Variants in CAMTA1 observed in about 807,000 individuals in gnomAD.
CAMTA1 encodes the protein calmodulin-binding transcription activator 1.
CAMTA1 carries 27 observed loss-of-function variants against 170.9 expected under a neutral mutation model. The ratio of observed to expected loss-of-function variants is 0.16; its 90% confidence interval spans 0.12 to 0.22. The LOEUF is 0.22. Ranked by LOEUF, CAMTA1 falls within the 10% of genes least tolerant of loss-of-function variation. CAMTA1 has a pLI of 1.00. For synonymous variants in CAMTA1, 833 were observed against 891.5 expected, an observed-to-expected ratio of 0.93 and a Z score of 1.17; for missense variants, 1,619 against 2,217.2, an observed-to-expected ratio of 0.73 and a Z score of 5.42.
chr1:7,553,927 G>T (rs777759388), intron 6 of CAMTA1, among the ~76,000 whole-genome samples: 2 of 152,296 alleles, frequency 1.3e-5, no homozygotes, highest in Non-Finnish European at 1.5e-5. Context: ...CCCCTGCTCT[G>T]TCTCTGGGGA....
intron 6 of CAMTA1, among the ~76,000 whole-genome samples, chr1:7,573,228 C>T (rs1233296501): frequency 3.9e-5 from 6 of 152,158 alleles, no homozygotes; most frequent in Non-Finnish European, 7.3e-5. Context: ...GGGCCCTGCT[C>T]CCCAGAACCC....
intron 3 of CAMTA1, among the ~76,000 whole-genome samples, chr1:6,966,672 G>A (rs1411009688): frequency 6.9e-6 from 1 of 144,730 alleles, no homozygotes; most frequent in Non-Finnish European, 1.5e-5. Flanking sequence ...TGCAAGTGGT[G>A]TGATTTCGGC....
At chr1:6,885,049 A>G (rs908097693) in intron 3 of CAMTA1, among the ~76,000 whole-genome samples, 2 of 152,222 alleles carry the variant, frequency 1.3e-5, no homozygotes, top group African/African-American at 2.4e-5. Flanking sequence ...ATGGATACCA[A>G]GAAGTGGAAA....
At chr1:7,416,004 C>A (rs1244887511) in intron 5 of CAMTA1, among the ~76,000 whole-genome samples, 1 of 152,164 alleles carries the variant, frequency 6.6e-6, no homozygotes, top group African/African-American at 2.4e-5. Context: ...TACTTTATTT[C>A]TCCTTCACTT....
chr1:7,577,176 A>C (rs1022127729), intron 6 of CAMTA1, among the ~76,000 whole-genome samples: 33 of 152,280 alleles, frequency 2.2e-4, no homozygotes, highest in African/African-American at 5.5e-4. Context: ...TGGCTGTGAG[A>C]TCAGAGGCCT....
chr1:6,884,403 T>A (rs945087167), intron 3 of CAMTA1, among the ~76,000 whole-genome samples: 2 of 152,048 alleles, frequency 1.3e-5, no homozygotes, highest in Non-Finnish European at 2.9e-5. Context: ...ATATCAGGTA[T>A]TTTTTAGCCT....
At chr1:7,075,740 G>T (rs188435891) in intron 3 of CAMTA1, among the ~76,000 whole-genome samples, 1 of 148,736 alleles carries the variant, frequency 6.7e-6, no homozygotes, top group Admixed American at 6.8e-5. Flanking sequence ...TCTGCTTACT[G>T]AAACCTCCAC....
intron 4 of CAMTA1, among the ~76,000 whole-genome samples, chr1:7,151,149 C>A (rs796188102): frequency 2.0e-5 from 3 of 152,366 alleles, no homozygotes; most frequent in African/African-American, 7.2e-5. Context: ...CAAATGCTAA[C>A]AAGAAACATG....
chr1:7,084,426 C>T (rs1640445396), intron 3 of CAMTA1, among the ~76,000 whole-genome samples: 1 of 152,190 alleles, frequency 6.6e-6, no homozygotes, highest in Admixed American at 6.5e-5. Flanking sequence ...GCCTGCAGTG[C>T]ATAGCTCCTT....
chr1:7,586,828 G>GTGGCTGC (rs959213916), intron 6 of CAMTA1, among the ~76,000 whole-genome samples: 5 of 152,096 alleles, frequency 3.3e-5, no homozygotes, highest in African/African-American at 7.3e-5. Context: ...GGCTCCCACG[G>GTGGCTGC]TGGCTGCGGT....
At chr1:6,964,418 C>T (rs1221083900) in intron 3 of CAMTA1, among the ~76,000 whole-genome samples, 2 of 152,144 alleles carry the variant, frequency 1.3e-5, no homozygotes, top group African/African-American at 4.8e-5. Context: ...GTTCCATCTG[C>T]AGTGTCTCAG....
At chr1:7,731,571 C>CAAAAAAAA (rs536530455) in intron 11 of CAMTA1, among the ~76,000 whole-genome samples, 1 of 87,026 alleles carries the variant, frequency 1.1e-5, no homozygotes, top group Non-Finnish European at 2.4e-5. Flanking sequence ...CACTCTGTCT[C>CAAAAAAAA]AAAAAAAAAA....
intron 6 of CAMTA1, among the ~76,000 whole-genome samples, chr1:7,639,080 G>A (rs753783995): frequency 6.6e-6 from 1 of 152,202 alleles, no homozygotes; most frequent in East Asian, 1.9e-4. Context: ...CCAGATTCAC[G>A]CCATTCTCCT....
chr1:7,078,966 A>G (rs138453397), intron 3 of CAMTA1, among the ~76,000 whole-genome samples: 13 of 152,342 alleles, frequency 8.5e-5, no homozygotes, highest in East Asian at 7.7e-4. Flanking sequence ...AGAAACTTTT[A>G]TGGCTCTCCT....
chr1:7,614,540 G>A (rs112502107), intron 6 of CAMTA1, among the ~76,000 whole-genome samples: 347 of 152,168 alleles, frequency 2.3e-3, no homozygotes, highest in African/African-American at 8.1e-3. Flanking sequence ...GACAACAACC[G>A]CCCCATTGGC....
rs1001008896 is a variant in CAMTA1, at chr1:6,953,566, C to A, written c.234+128356C>A. Among the ~76,000 whole-genome samples the A allele has an allele frequency of 3.9e-5, 6 of 152,206 alleles. 1 individual carries two copies. The highest frequency in any genetic ancestry group is 1.4e-4 in the African/African-American group (6 of 41,440). ...ACCGAAGCCCAGGCCCCGCAGGGAG[C>A]CTGCCTGCTCCTGAATTTCCCATCT... On this transcript the variant is annotated intron_variant, in intron 3 of 22. Coordinates refer to ENST00000303635, the MANE Select transcript of CAMTA1 (RefSeq NM_015215.4).
chr1:6,848,492 A>G (rs975748983), intron 3 of CAMTA1, among the ~76,000 whole-genome samples: 1 of 152,140 alleles, frequency 6.6e-6, no homozygotes, highest in African/African-American at 2.4e-5. Flanking sequence ...GCAGATTTTT[A>G]TTTTATGCAG....
At chr1:6,822,066 A>G (rs1319280316) in intron 2 of CAMTA1, among the ~76,000 whole-genome samples, 1 of 152,154 alleles carries the variant, frequency 6.6e-6, no homozygotes, top group Non-Finnish European at 1.5e-5. Flanking sequence ...TTTGTTAGAT[A>G]ATGATAATGA....
rs576304732 is a variant in CAMTA1 at position 7,244,373 on chromosome 1, T to A, written c.303-5118T>A. On this transcript the variant is annotated intron_variant, in intron 4 of 22. Transcript: ENST00000303635. ...CTAGAACCAGAAATACCATTTGACC[T>A]AGCCATCCCATTACTGGGCATATAC... Among the ~76,000 whole-genome samples, 35 of 152,298 alleles carry A rather than the reference T, an allele frequency of 2.3e-4. No individual in the cohort carries two copies. In the South Asian group the frequency reaches 7.1e-3, roughly 31 times the overall value.
Sources: gnomAD v4.1 joint callset for allele counts (sites outside exome capture counted in the v4.1 genomes callset) on GRCh38, gnomAD v4.1.1 for gene constraint, MANE v1.5 for transcripts, NCBI Gene and HGNC (gene_info 2026-07-23, HGNC 2026-07-21) for gene names.